The following MOCS2 variants were observed in gnomAD, a reference collection of about 807,000 sequenced individuals.
The protein encoded by MOCS2 is molybdenum cofactor synthesis 2, also known as molybdopterin synthase catalytic subunit.
MOCS2 carries 13 observed loss-of-function variants against 21.9 expected under a neutral mutation model. The observed-to-expected ratio is 0.59, with a 90% CI of 0.39 to 0.94. The LOEUF (loss-of-function observed/expected upper bound fraction) is 0.94, where lower values mean the gene tolerates loss of function less well. Ranked by LOEUF, MOCS2 falls within the 40% of genes least tolerant of loss-of-function variation. The pLI, the probability that MOCS2 is intolerant of heterozygous loss-of-function variation, is 0.00. For missense variants in MOCS2, 227 were observed against 218.3 expected, an observed-to-expected ratio of 1.04 and a Z score of -0.25; for synonymous variants, 92 against 80.8, an observed-to-expected ratio of 1.14 and a Z score of -0.74.
At chr5:53,108,474 G>A in intron 2 of MOCS2, 48 bp downstream of exon 2, 1 of 1,511,476 alleles carries the variant, frequency 6.6e-7, no homozygotes, top group Non-Finnish European at 9.0e-7. Flanking sequence ...TATGTATTTT[G>A]AAAATATCTA....
chr5:53,102,122 G>A lies in MOCS2; in HGVS notation c.201C>T (p.Leu67=). 6.2e-7 allele frequency: 1 copy of A among 1,613,750 alleles called. No individual in the cohort carries two copies. The highest frequency in any genetic ancestry group is 8.5e-7 in the Non-Finnish European group (1 of 1,179,798). ...CTACAAATAGGGATATTGCACCACA[G>A]AGCGGAGAAATCACCAACTGTGAGA... ...DEVSQLVISP[L]CGAISLFVGT... The change falls in exon 4 of 7, where the codon CTC becomes CTT. Residue 67 remains leucine, a synonymous_variant. Coordinates refer to ENST00000396954, the MANE Select transcript of MOCS2 (RefSeq NM_004531.5).
rs534071018 is a variant in MOCS2, at chr5:53,102,044, G to A, written c.226+53C>T. On this transcript the variant is annotated intron_variant, in intron 4 of 6. Transcript: ENST00000396954. Reference sequence around the variant, plus strand: ...TTAACACTGAACATGGAAAGCACATGCTAATTTCTATTGTCTTATACAGTG... The same window carrying A: ...TTAACACTGAACATGGAAAGCACATACTAATTTCTATTGTCTTATACAGTG... 2.1e-4 allele frequency: 323 copies of A among 1,575,132 alleles called. 3 individuals are homozygous for A. The African/African-American group carries it at 3.5e-3, about 17-fold the overall frequency.
intron 5 of MOCS2, 98 bp downstream of exon 5, chr5:53,101,261 G>T: frequency 8.0e-7 from 1 of 1,249,778 alleles, no homozygotes; most frequent in Non-Finnish European, 1.2e-6. Context: ...TTCCTCTCAT[G>T]GTAATATAGA....
intron 6 of MOCS2, among the ~76,000 whole-genome samples, chr5:53,100,092 T>G (rs1166786075): frequency 6.6e-6 from 1 of 152,180 alleles, no homozygotes; most frequent in East Asian, 1.9e-4. Context: ...AGCTAATGCA[T>G]TATTCTCACT....
intron 2 of MOCS2, chr5:53,107,640 T>A (rs1036386654): frequency 6.1e-6 from 1 of 163,742 alleles, no homozygotes; most frequent in East Asian, 1.7e-4. Context: ...CGAATATGGA[T>A]TAAGTTGCTT....
chr5:53,098,500 T>C lies in MOCS2; in HGVS notation c.*102A>G, dbSNP rs371770228. ...TTTGTCCCACTAGTATAAGAGATTG[T>C]GCTTCAGTAAACTATCCTGATGTGG... On this transcript the variant is annotated 3_prime_UTR_variant, in exon 7 of 7. Transcript: ENST00000396954. 93 of 995,294 alleles carry C rather than the reference T, an allele frequency of 9.3e-5. No individual in the cohort carries two copies. In the African/African-American group the frequency reaches 1.1e-3, roughly 12 times the overall value. The allele number at this position is 995,294 out of a possible 1,614,324, so 61.7% of individuals were successfully genotyped here.
At chr5:53,098,856 T>C in intron 6 of MOCS2, 189 bp from the exon 7 acceptor site, 1 of 558,958 alleles carries the variant, frequency 1.8e-6, no homozygotes, top group Admixed American at 3.3e-5. Context: ...TTTTAAACAT[T>C]TTTTTTTCTT....
chr5:53,101,493 G>C lies in MOCS2; in HGVS notation c.243C>G (p.Asn81Lys). 1 of 1,602,708 alleles carries C rather than the reference G, an allele frequency of 6.2e-7. No homozygotes were observed. The highest frequency in any genetic ancestry group is 8.5e-7 in the Non-Finnish European group (1 of 1,170,990). Residue 81 changes from asparagine to lysine, a missense_variant, in exon 5 of 7, where the codon AAC (asparagine) becomes AAG (lysine). By Grantham distance (94) the Asn-to-Lys change is moderately conservative. Coordinates refer to ENST00000396954, the MANE Select transcript of MOCS2 (RefSeq NM_004531.5). ...AGCTAATGACTTTTTTCCCTTCAAA[G>C]TTATTTCTTGTAGTCCCTTTAAAAA... ...ISLFVGTTRN[N>K]FEGKKVISLE...
intron 3 of MOCS2, among the ~76,000 whole-genome samples, chr5:53,104,603 T>C (rs764775898): frequency 3.3e-5 from 5 of 152,210 alleles, no homozygotes; most frequent in Non-Finnish European, 5.9e-5. Context: ...GAGATTCTTC[T>C]ATTATTTCCA....
Position 53,109,701 on chromosome 5 carries a change from G to A in MOCS2, c.-620C>T, listed in dbSNP as rs777617154. 3.2e-6 allele frequency: 5 copies of A among 1,553,146 alleles called. No homozygotes were observed. Among genetic ancestry groups the A allele is most frequent in the African/African-American group, 1.4e-5 (1 of 73,054 alleles). On this transcript the variant is annotated 5_prime_UTR_variant, in exon 1 of 7. Transcript: ENST00000396954. ...CGCACCCAGGCCCGCACGCACACCC[G>A]CCACCCTTACCTGGCACAGCGGCAC...
At chr5:53,108,490 T>A in intron 2 of MOCS2, 32 bp downstream of exon 2, 1 of 1,580,464 alleles carries the variant, frequency 6.3e-7, no homozygotes, top group Non-Finnish European at 8.7e-7. Flanking sequence ...ATCTAAGTGT[T>A]ACTCATATGC....
Position 53,102,179 on chromosome 5 carries a change from G to C in MOCS2, c.144C>G (p.Asn48Lys). 3 of 1,612,512 alleles carry C rather than the reference G, an allele frequency of 1.9e-6. No homozygotes were observed. The highest frequency in any genetic ancestry group is 2.5e-6 in the Non-Finnish European group (3 of 1,178,718). ...CTACTGAAAGTTTCTCGGCAGTAAA[G>C]TTTATAACATCTTTAGATTTCTCTT... ...EVEEKSKDVI[N>K]FTAEKLSVDE... The change falls in exon 4 of 7, where the codon AAC becomes AAG. Residue 48 changes from asparagine (N) to lysine (K), a missense_variant. Transcript: ENST00000396954.
At chr5:53,100,874 T>C (rs1003264465) in intron 5 of MOCS2, 80 of 324,460 alleles carry the variant, frequency 2.5e-4, no homozygotes, top group African/African-American at 1.6e-3. Context: ...TCCTAACGAG[T>C]ATAATACAAA....
intron 6 of MOCS2, among the ~76,000 whole-genome samples, chr5:53,100,210 C>A (rs2112081704): frequency 6.6e-6 from 1 of 152,302 alleles, no homozygotes; most frequent in South Asian, 2.1e-4. Flanking sequence ...TGTTATCACT[C>A]ATTGAGGCTT....
chr5:53,098,632 GTTTCC>G lies in MOCS2; in HGVS notation c.532_536del (p.Gly178GlnfsTer32). The G allele has an allele frequency of 6.2e-7, 1 of 1,613,850 alleles. No homozygotes were observed. The highest frequency in any genetic ancestry group is 8.5e-7 in the Non-Finnish European group (1 of 1,179,840). The stretch of plus-strand genomic sequence containing the variant: ...TGTTGGATGCCCAAAAGCACTCTTT[GTTTCC>G]TTTCCAAGTTGATGACTCTTCGTAT... On this transcript the variant is annotated frameshift_variant, in exon 7 of 7. Transcript: ENST00000396954. LOFTEE classifies it high-confidence loss of function.
At chr5:53,105,300 G>T (rs540981037) in intron 3 of MOCS2, among the ~76,000 whole-genome samples, 2 of 152,164 alleles carry the variant, frequency 1.3e-5, no homozygotes, top group East Asian at 3.9e-4. Flanking sequence ...AAAGCTGGAG[G>T]CATTACACTA....
At position 53,109,536 on chromosome 5, in the gene MOCS2, A is replaced by G; in HGVS notation, c.-455T>C. 8.3e-7 allele frequency: 1 copy of G among 1,208,788 alleles called. No homozygotes were observed. The allele number at this position is 1,208,788 out of a possible 1,614,324, so 74.9% of individuals were successfully genotyped here. On this transcript the variant is annotated 5_prime_UTR_variant, in exon 1 of 7. Transcript: ENST00000396954. ...GGGGCAGTCGCAGTAAAGCCCGGAG[A>G]CAGGAAGGGCCCGGGGGCGGGGGCG... is the stretch of plus-strand genomic sequence containing the variant.
rs186593570 is a variant in MOCS2, at chr5:53,109,687, C to G, written c.-606G>C. The stretch of plus-strand genomic sequence containing the variant: ...GTCGAGGAGGGCTCCGCACCCAGGC[C>G]CGCACGCACACCCGCCACCCTTACC... On this transcript the variant is annotated 5_prime_UTR_variant, in exon 1 of 7. Coordinates refer to ENST00000396954, the MANE Select transcript of MOCS2 (RefSeq NM_004531.5). 5 of 1,552,354 alleles carry G rather than the reference C, an allele frequency of 3.2e-6. No homozygotes were observed. The Admixed American group carries it at 7.8e-5, about 24-fold the overall frequency.
At position 53,106,093 on chromosome 5, in the gene MOCS2, G is replaced by A. The variant is rs1198728779; in HGVS notation, c.98+984C>T. ...TGCTGGCGAGGACGTGAAGAAAAAG[G>A]AATGCTTATACACTGCTGCAGGGAG... On this transcript the variant is annotated intron_variant, in intron 3 of 6. Coordinates refer to ENST00000396954, the MANE Select transcript of MOCS2 (RefSeq NM_004531.5). Among the ~76,000 whole-genome samples the A allele has an allele frequency of 2.0e-5, 3 of 151,218 alleles. No individual in the cohort carries two copies. The East Asian group carries it at 5.8e-4, about 29-fold the overall frequency.
Sources: gnomAD v4.1 joint callset for allele counts (sites outside exome capture counted in the v4.1 genomes callset) on GRCh38, gnomAD v4.1.1 for gene constraint, MANE v1.5 for transcripts, NCBI Gene and HGNC (gene_info 2026-07-23, HGNC 2026-07-21) for gene names.